PKD2: variants seen among roughly 807,000 people sequenced by gnomAD.
PKD2 encodes polycystin 2, transient receptor potential cation channel.
PKD2 carries 48 observed loss-of-function variants against 105.9 expected under a neutral mutation model. That is an observed-to-expected ratio of 0.45 (90% CI 0.36 to 0.58). The LOEUF is 0.58. Among genes scored for constraint, PKD2 ranks in the 20% least tolerant of loss-of-function variants. The probability of loss-of-function intolerance (pLI) is 0.00; values close to 1 mark genes in which losing one functional copy is unlikely to be tolerated. For synonymous variants in PKD2, 464 were observed against 481.1 expected (o/e 0.96, Z 0.46); for missense variants, 1,078 against 1,255.3 (o/e 0.86, Z 2.13).
chr4:88,010,755 C>G (rs1726356833), intron 1 of PKD2, among the ~76,000 whole-genome samples: 1 of 152,208 alleles, frequency 6.6e-6, no homozygotes, highest in African/African-American at 2.4e-5. Flanking sequence ...CTTCACCATG[C>G]TCTGGTCTGT....
chr4:88,069,675 T>C lies in PKD2; in HGVS notation c.2522+1614T>C, dbSNP rs183194877. Among the ~76,000 whole-genome samples, 316 of 152,212 alleles carry C rather than the reference T, an allele frequency of 2.1e-3. 1 individual carries two copies. The highest frequency in any genetic ancestry group is 7.4e-3 in the African/African-American group (308 of 41,568). ...CATTTTTATAACACACTGTGTAATA[T>C]ATAGTATATAATTTTATATCTCTTA... is the stretch of plus-strand genomic sequence containing the variant. On this transcript the variant is annotated intron_variant, in intron 13 of 14. Coordinates refer to ENST00000237596, the MANE Select transcript of PKD2 (RefSeq NM_000297.4).
intron 13 of PKD2, among the ~76,000 whole-genome samples, chr4:88,072,248 GC>G (rs1362557984): frequency 1.3e-5 from 2 of 151,948 alleles, no homozygotes; most frequent in Admixed American, 1.3e-4. Context: ...CTCACAAAAG[GC>G]CGGGATTACA....
chr4:88,058,152 C>T, intron 9 of PKD2, 49 bp downstream of exon 9: 1 of 1,160,058 alleles, frequency 8.6e-7, no homozygotes, highest in Non-Finnish European at 1.3e-6. Context: ...CTTCGTAAAT[C>T]CTTGTCTTCT....
At chr4:88,044,517 G>T (rs1159312592) in intron 5 of PKD2, among the ~76,000 whole-genome samples, 1 of 152,108 alleles carries the variant, frequency 6.6e-6, no homozygotes, top group Non-Finnish European at 1.5e-5. Flanking sequence ...ATCAATTATA[G>T]ATTATCCCTT....
chr4:88,021,755 C>CCT (rs1345317814), intron 2 of PKD2, among the ~76,000 whole-genome samples: 2 of 152,230 alleles, frequency 1.3e-5, no homozygotes, highest in Non-Finnish European at 2.9e-5. Context: ...TACCCAGTTG[C>CCT]ACCCTCCAAG....
At chr4:88,057,122 T>A (rs1463338950) in intron 8 of PKD2, among the ~76,000 whole-genome samples, 1 of 152,098 alleles carries the variant, frequency 6.6e-6, no homozygotes, top group Non-Finnish European at 1.5e-5. Flanking sequence ...GCTGAGTAGC[T>A]GGGACTACAA....
chr4:88,068,083 G>A, intron 13 of PKD2, 22 bp downstream of exon 13: 1 of 1,609,162 alleles, frequency 6.2e-7, no homozygotes, highest in Non-Finnish European at 8.5e-7. Context: ...GGAATTGGCA[G>A]AATTTGCGTT....
At chr4:88,051,223 A>C (rs1394833832) in intron 6 of PKD2, among the ~76,000 whole-genome samples, 1 of 152,192 alleles carries the variant, frequency 6.6e-6, no homozygotes, top group African/African-American at 2.4e-5. Flanking sequence ...TGGCTCATAT[A>C]TTCCCACTGC....
intron 1 of PKD2, among the ~76,000 whole-genome samples, chr4:88,016,977 A>G (rs544769134): frequency 6.6e-6 from 1 of 152,046 alleles, no homozygotes; most frequent in East Asian, 1.9e-4. Flanking sequence ...AACAAAAAAA[A>G]AAACAGAGAC....
At chr4:88,045,858 T>C (rs559751318) in intron 5 of PKD2, among the ~76,000 whole-genome samples, 2 of 152,346 alleles carry the variant, frequency 1.3e-5, no homozygotes, top group African/African-American at 4.8e-5. Flanking sequence ...TGTTACATAA[T>C]GAATGAATGA....
chr4:88,008,024 G>A lies in PKD2; in HGVS notation c.291G>A (p.Glu97=). 1 of 1,204,598 alleles carries A rather than the reference G, an allele frequency of 8.3e-7. No individual in the cohort carries two copies. The highest frequency in any genetic ancestry group is 1.1e-6 in the Non-Finnish European group (1 of 914,784). 74.6% of individuals were successfully genotyped at this position (1,204,598 alleles called of 1,614,324 possible). A position where few individuals can be genotyped will look rare whatever the true frequency, so the allele number is the denominator to read the frequency against. Residue 97 remains glutamate (E), a synonymous_variant, in exon 1 of 15, where the codon GAG becomes GAA. Coordinates refer to ENST00000237596, the MANE Select transcript of PKD2 (RefSeq NM_000297.4). ...WSRDNPGFEA[E]EEEEEVEGEE... ...GCGATAACCCCGGCTTCGAGGCCGA[G>A]GAGGAGGAGGAGGAGGTGGAAGGGG... is the stretch of plus-strand genomic sequence containing the variant.
Position 88,065,359 on chromosome 4 carries a change from T to C in PKD2, c.2119-15T>C. The C allele has an allele frequency of 6.2e-7, 1 of 1,609,678 alleles. No homozygotes were observed. Among genetic ancestry groups the C allele is most frequent in the South Asian group, 1.1e-5 (1 of 90,978 alleles). ...TACACTAAACCAAGTCTTTTATTTT[T>C]TCTCTCTCTGATAGGGCTACCATAA... On this transcript the variant is annotated splice_polypyrimidine_tract_variant and intron_variant, in intron 10 of 14. Coordinates refer to ENST00000237596, the MANE Select transcript of PKD2 (RefSeq NM_000297.4).
At chr4:88,041,838 A>C (rs1727576139) in intron 4 of PKD2, among the ~76,000 whole-genome samples, 1 of 152,116 alleles carries the variant, frequency 6.6e-6, no homozygotes, top group Non-Finnish European at 1.5e-5. Flanking sequence ...CCAAAGTCCA[A>C]CCTTGCAAAC....
At chr4:88,025,555 A>G (rs1726926725) in intron 2 of PKD2, among the ~76,000 whole-genome samples, 2 of 151,962 alleles carry the variant, frequency 1.3e-5, no homozygotes, top group South Asian at 4.2e-4. Flanking sequence ...TGGAGACTGC[A>G]GTGAGCTGTG....
intron 7 of PKD2, among the ~76,000 whole-genome samples, chr4:88,053,916 G>A (rs1293190845): frequency 6.6e-6 from 1 of 151,940 alleles, no homozygotes; most frequent in Non-Finnish European, 1.5e-5. Flanking sequence ...TAGGACCAAG[G>A]GACTGAATTT....
intron 7 of PKD2, among the ~76,000 whole-genome samples, chr4:88,054,738 T>C (rs975937640): frequency 1.5e-4 from 20 of 137,272 alleles, no homozygotes; most frequent in African/African-American, 5.3e-4. Context: ...CACTGCAACC[T>C]CCGTCTCCTG....
At chr4:88,063,980 C>T (rs951864345) in intron 10 of PKD2, among the ~76,000 whole-genome samples, 5 of 152,084 alleles carry the variant, frequency 3.3e-5, no homozygotes, top group African/African-American at 1.2e-4. Context: ...CATGATGAAA[C>T]CCCGTCTCTA....
chr4:88,043,358 C>G lies in PKD2; in HGVS notation c.1220C>G (p.Ala407Gly). Residue 407 changes from alanine to glycine, a missense_variant, in exon 5 of 15, where the codon GCT becomes GGT. Transcript: ENST00000237596. The part of the protein sequence containing the change: ...RTREETAAQV[A>G]SLKKNVWLDR... ...AGAGAGGAAACAGCTGCACAAGTTG[C>G]TAGCCTCAAGAAAAATGTCTGGCTG... is the stretch of plus-strand genomic sequence containing the variant. 1.2e-6 allele frequency: 2 copies of G among 1,613,950 alleles called. No homozygotes were observed. Among genetic ancestry groups the G allele is most frequent in the East Asian group, 2.2e-5 (1 of 44,868 alleles).
intron 6 of PKD2, 111 bp from the exon 7 acceptor site, chr4:88,051,880 T>C: frequency 1.5e-6 from 1 of 653,906 alleles, no homozygotes; most frequent in Non-Finnish European, 2.7e-6. Context: ...GTAAGTATAA[T>C]GGTGAGCCCT....
Sources: gnomAD v4.1 joint callset for allele counts (sites outside exome capture counted in the v4.1 genomes callset) on GRCh38, gnomAD v4.1.1 for gene constraint, MANE v1.5 for transcripts, NCBI Gene and HGNC (gene_info 2026-07-23, HGNC 2026-07-21) for gene names.